TBL1X: variants seen among roughly 807,000 people sequenced by gnomAD.
The protein encoded by TBL1X is F-box-like/WD repeat-containing protein TBL1X.
TBL1X carries 10 observed loss-of-function variants against 50.7 expected under a neutral mutation model. The ratio of observed to expected loss-of-function variants is 0.20; its 90% CI spans 0.12 to 0.33. TBL1X has a LOEUF of 0.33. Ranked by LOEUF, TBL1X falls within the 10% of genes least tolerant of loss-of-function variation. The pLI is 1.00. For synonymous variants in TBL1X, 190 were observed against 214.7 expected, an observed-to-expected ratio of 0.88 and a Z score of 1.01; for missense variants, 340 against 504.4, an observed-to-expected ratio of 0.67 and a Z score of 3.12.
chrX:9,573,211 T>C (rs2082394422), intron 2 of TBL1X, among the ~76,000 whole-genome samples: 1 of 112,910 alleles, frequency 8.9e-6, no homozygotes, highest in Non-Finnish European at 1.9e-5. Flanking sequence ...TATAGTTTCT[T>C]TTTAAATTAA....
intron 2 of TBL1X, among the ~76,000 whole-genome samples, chrX:9,593,853 G>T (rs1033017337): frequency 4.5e-5 from 5 of 110,698 alleles, no homozygotes; most frequent in Non-Finnish European, 9.5e-5. Context: ...CCTCTCCCTC[G>T]TCGGGCCCAC....
intron 2 of TBL1X, among the ~76,000 whole-genome samples, chrX:9,630,482 C>T (rs2082715323): frequency 8.9e-6 from 1 of 112,514 alleles, no homozygotes; most frequent in Non-Finnish European, 1.9e-5. Flanking sequence ...AAACTATGCA[C>T]ATCTTCCTGT....
At chrX:9,658,435 A>G (rs2082877186) in intron 5 of TBL1X, among the ~76,000 whole-genome samples, 2 of 110,734 alleles carry the variant, frequency 1.8e-5, no homozygotes, top group Admixed American at 9.6e-5. Context: ...CACCTGCTGT[A>G]GTGAGCAGCT....
intron 2 of TBL1X, among the ~76,000 whole-genome samples, chrX:9,553,796 A>G (rs1214709802): frequency 2.7e-5 from 3 of 112,498 alleles, no homozygotes; most frequent in African/African-American, 9.7e-5. Context: ...TGTTTTTATA[A>G]TAATGGTTCA....
In TBL1X at chrX:9,684,134, C is replaced by T; in HGVS notation, c.303C>T (p.Ile101=). Residue 101 remains isoleucine (I), a synonymous_variant, in exon 6 of 18, where the codon ATC becomes ATT. Transcript: ENST00000645353. Reference sequence around the variant, plus strand: ...CGCTAGTGCCACCGGCCGCCCTCATCTCCATTCTCCAGAAGGGCCTGCAGT... The same window carrying T: ...CGCTAGTGCCACCGGCCGCCCTCATTTCCATTCTCCAGAAGGGCCTGCAGT... ...NGTLVPPAAL[I]SILQKGLQYV... 1 of 1,212,043 alleles carries T rather than the reference C, an allele frequency of 8.3e-7. No individual in the cohort carries two copies. The highest frequency in any genetic ancestry group is 1.1e-6 in the Non-Finnish European group (1 of 895,621).
chrX:9,625,878 G>A (rs1182390019), intron 2 of TBL1X, among the ~76,000 whole-genome samples: 1 of 112,311 alleles, frequency 8.9e-6, no homozygotes, highest in Non-Finnish European at 1.9e-5. Context: ...GGGGGGCGGA[G>A]GTTACAGTGA....
At chrX:9,540,615 T>C (rs1283644642) in intron 2 of TBL1X, among the ~76,000 whole-genome samples, 1 of 112,923 alleles carries the variant, frequency 8.9e-6, no homozygotes, top group Non-Finnish European at 1.9e-5. Context: ...TGGTCTTTCC[T>C]TCAAATATGT....
intron 2 of TBL1X, among the ~76,000 whole-genome samples, chrX:9,576,688 A>G (rs1261528739): frequency 1.0e-5 from 1 of 99,282 alleles, no homozygotes; most frequent in Non-Finnish European, 2.0e-5. Flanking sequence ...TTTTAAAAGC[A>G]CTACATTAAA....
chrX:9,511,797 C>T (rs1351953741), intron 2 of TBL1X, among the ~76,000 whole-genome samples: 1 of 112,174 alleles, frequency 8.9e-6, no homozygotes, highest in Non-Finnish European at 1.9e-5. Context: ...CCGATGGATG[C>T]TTTTGAGATG....
At chrX:9,703,955 G>A (rs1329685507) in intron 12 of TBL1X, among the ~76,000 whole-genome samples, 4 of 112,505 alleles carry the variant, frequency 3.6e-5, no homozygotes, top group Non-Finnish European at 7.5e-5. Context: ...ACCAGGGCCT[G>A]GCTTTTAGCG....
At chrX:9,658,498 ACAGC>A (rs2082877820) in intron 5 of TBL1X, among the ~76,000 whole-genome samples, 1 of 111,028 alleles carries the variant, frequency 9.0e-6, no homozygotes, top group Admixed American at 9.6e-5. Context: ...ATTTCTGAAT[ACAGC>A]CAGGGAAGTG....
At chrX:9,517,053 C>T (rs978795386) in intron 2 of TBL1X, among the ~76,000 whole-genome samples, 1 of 111,535 alleles carries the variant, frequency 9.0e-6, no homozygotes, top group African/African-American at 3.3e-5. Context: ...TATACAGTCT[C>T]TGGGAGAGCA....
intron 11 of TBL1X, among the ~76,000 whole-genome samples, chrX:9,696,481 A>T (rs927392782): frequency 1.8e-5 from 2 of 112,901 alleles, no homozygotes; most frequent in Non-Finnish European, 3.7e-5. Context: ...CTCCAATGCT[A>T]TTCATTGAGC....
chrX:9,711,772 C>T lies in TBL1X; in HGVS notation c.1601C>T (p.Thr534Ile). Residue 534 changes from threonine to isoleucine, a missense_variant, in exon 16 of 18, where the codon ACT (threonine) becomes ATT (isoleucine). Transcript: ENST00000645353. ...SFDKCVHIWN[T>I]QSGNLVHSYR... ...GACAAGTGCGTCCATATCTGGAATACTCAGGTAAGCTCCCGACCCCTACAC... is the reference window on the plus strand; with the variant it reads ...GACAAGTGCGTCCATATCTGGAATATTCAGGTAAGCTCCCGACCCCTACAC... The T allele has an allele frequency of 8.4e-7, 1 of 1,191,427 alleles. No homozygotes were observed. The highest frequency in any genetic ancestry group is 1.1e-6 in the Non-Finnish European group (1 of 884,351).
At chrX:9,585,666 G>T (rs2082465899) in intron 2 of TBL1X, among the ~76,000 whole-genome samples, 1 of 111,303 alleles carries the variant, frequency 9.0e-6, no homozygotes, top group African/African-American at 3.3e-5. Flanking sequence ...TGGTGTTGTG[G>T]GGTTGGCACC....
intron 2 of TBL1X, among the ~76,000 whole-genome samples, chrX:9,543,252 TGTGA>T (rs772511151): frequency 2.7e-5 from 3 of 111,311 alleles, no homozygotes; most frequent in Non-Finnish European, 5.7e-5. Context: ...TGGGTGTGCG[TGTGA>T]GTGTGTTGTG....
intron 5 of TBL1X, among the ~76,000 whole-genome samples, chrX:9,665,517 ATATATATATATATATATATAT>A (rs2082924477): frequency 1.7e-5 from 1 of 58,839 alleles, no homozygotes; most frequent in East Asian, 7.6e-4. Context: ...ATATATATAT[ATATATATATATATATATATAT>A]AAAAGGCCTT....
Position 9,719,440 on chromosome X carries a change from T to C in TBL1X, c.*3194T>C, listed in dbSNP as rs911325523. The C allele has an allele frequency of 9.8e-5, 11 of 112,141 alleles. No homozygotes were observed. Among genetic ancestry groups the C allele is most frequent in the East Asian group, 2.8e-4 (1 of 3,561 alleles). 9.2% of individuals were successfully genotyped at this position (112,141 alleles called of 1,213,427 possible). On this transcript the variant is annotated 3_prime_UTR_variant, in exon 18 of 18. Transcript: ENST00000645353. ...TAAAAAAAGAAAAAAAAAAAGCTTA[T>C]GTTTCTTGTCAAATGCAGAAATGTT... is the stretch of plus-strand genomic sequence containing the variant.
intron 13 of TBL1X, among the ~76,000 whole-genome samples, chrX:9,708,703 C>CAA (rs35805085): frequency 2.7e-3 from 192 of 72,069 alleles, no homozygotes; most frequent in Non-Finnish European, 3.8e-3. Flanking sequence ...GCAAAAATCC[C>CAA]AAAAAAAAAA....
Sources: allele counts gnomAD v4.1 joint callset (sites outside exome capture counted in the v4.1 genomes callset), GRCh38; gene constraint gnomAD v4.1.1; transcripts MANE v1.5; gene names NCBI Gene and HGNC (gene_info 2026-07-23, HGNC 2026-07-21).